Variants in ABI2 observed in about 807,000 individuals in gnomAD.
ABI2 encodes the protein abelson interactor 2.
A neutral mutation model predicts 59.2 loss-of-function variants in ABI2; 25 were observed. The observed-to-expected ratio is 0.42, with a 90% confidence interval of 0.31 to 0.59. The LOEUF (loss-of-function observed/expected upper bound fraction) is 0.59, where lower values mean the gene tolerates loss of function less well. ABI2 is among the 20% of genes least tolerant of loss of function. The pLI is 0.14. For synonymous variants in ABI2, 213 were observed against 235.5 expected (o/e 0.90, Z 0.87); for missense variants, 545 against 681.8 (o/e 0.80, Z 2.23).
At position 203,428,734 on chromosome 2, in the gene ABI2, C is replaced by T. The variant is rs2098460271; in HGVS notation, c.*1382C>T. On this transcript the variant is annotated 3_prime_UTR_variant, in exon 12 of 12. Coordinates refer to ENST00000261018, the MANE Select transcript of ABI2 (RefSeq NM_001375670.1). The stretch of plus-strand genomic sequence containing the variant: ...AAATGCTGAAAAAAATCCAGGAGGG[C>T]TTGTCTCTTTGTGGGTGGTCACTGT... 6.6e-6 allele frequency: 1 copy of T among 152,188 alleles called. No homozygotes were observed. The highest frequency in any genetic ancestry group is 1.5e-5 in the Non-Finnish European group (1 of 68,072). The allele number at this position is 152,188 out of a possible 1,614,324, so 9.4% of individuals were successfully genotyped here. A position where few individuals can be genotyped will look rare whatever the true frequency, so the allele number is the denominator to read the frequency against.
intron 5 of ABI2, chr2:203,394,388 C>T (rs751683679): frequency 4.2e-5 from 6 of 141,866 alleles, no homozygotes; most frequent in Non-Finnish European, 7.5e-5. Flanking sequence ...AATTCCAACT[C>T]TTCTAAGAAG....
In ABI2 at chr2:203,408,412, C is replaced by T. The variant is rs187470631; in HGVS notation, c.1193-2873C>T. On this transcript the variant is annotated intron_variant, in intron 9 of 11. Coordinates refer to ENST00000261018, the MANE Select transcript of ABI2 (RefSeq NM_001375670.1). ...TCCTGACCTCAGGTGATGCGCCCCCCTCGGCCTTCCAAAGTGATGGGATTA... is the reference window on the plus strand; with the variant it reads ...TCCTGACCTCAGGTGATGCGCCCCCTTCGGCCTTCCAAAGTGATGGGATTA... Among the ~76,000 whole-genome samples, 464 of 151,592 alleles carry T rather than the reference C, an allele frequency of 3.1e-3. 3 individuals carry two copies. Among genetic ancestry groups the T allele is most frequent in the Non-Finnish European group, 4.0e-3 (271 of 67,854 alleles).
chr2:203,366,766 T>C, intron 1 of ABI2, 111 bp from the exon 2 acceptor site: 1 of 1,092,634 alleles, frequency 9.2e-7, no homozygotes, highest in East Asian at 2.7e-5. Context: ...ATTAGTTTTT[T>C]TACTTTCTGG....
intron 1 of ABI2, among the ~76,000 whole-genome samples, chr2:203,332,391 C>G (rs1439617509): frequency 6.6e-6 from 1 of 151,976 alleles, no homozygotes; most frequent in Non-Finnish European, 1.5e-5. Context: ...CTTTGGGAGG[C>G]CGAGGCAGGC....
chr2:203,331,808 C>CTT (rs55695294), intron 1 of ABI2, among the ~76,000 whole-genome samples: 1 of 121,972 alleles, frequency 8.2e-6, no homozygotes, highest in Admixed American at 8.4e-5. Flanking sequence ...GCTCAGTGTT[C>CTT]TTTTTTTTTT....
rs745646231 is a variant in ABI2, at chr2:203,428,931, G to T, written c.*1579G>T. 1.3e-5 allele frequency: 2 copies of T among 152,236 alleles called. No homozygotes were observed. The highest frequency in any genetic ancestry group is 4.8e-5 in the African/African-American group (2 of 41,454). 9.4% of individuals were successfully genotyped at this position (152,236 alleles called of 1,614,324 possible). A position where few individuals can be genotyped will look rare whatever the true frequency, so the allele number is the denominator to read the frequency against. ...AGGTTTTGAACAAGTTCAGAAAGTG[G>T]AACTTGATTGAAAAGTGAACAAGTG... On this transcript the variant is annotated 3_prime_UTR_variant, in exon 12 of 12. Transcript: ENST00000261018.
intron 6 of ABI2, 86 bp downstream of exon 6, chr2:203,394,932 A>G: frequency 2.7e-6 from 4 of 1,454,600 alleles, no homozygotes; most frequent in Non-Finnish European, 3.8e-6. Flanking sequence ...TCATTTTCCA[A>G]GCACTAAGTT....
At chr2:203,371,616 ATAT>A (rs989913156) in intron 2 of ABI2, among the ~76,000 whole-genome samples, 1 of 152,198 alleles carries the variant, frequency 6.6e-6, no homozygotes, top group Non-Finnish European at 1.5e-5. Context: ...CTTTGGAAGG[ATAT>A]TATTAAAACA....
intron 6 of ABI2, among the ~76,000 whole-genome samples, chr2:203,395,243 ATGTTTT>A (rs1219418335): frequency 1.3e-5 from 2 of 152,078 alleles, no homozygotes; most frequent in African/African-American, 4.8e-5. Flanking sequence ...GTTTAGGAAA[ATGTTTT>A]TGTTTTATTA....
At chr2:203,376,881 T>G (rs1169667776) in intron 2 of ABI2, among the ~76,000 whole-genome samples, 2 of 152,202 alleles carry the variant, frequency 1.3e-5, no homozygotes, top group African/African-American at 4.8e-5. Flanking sequence ...TGAACAGATT[T>G]CTAATTTATA....
chr2:203,399,905 C>T (rs1327361428), intron 8 of ABI2, among the ~76,000 whole-genome samples: 3 of 152,028 alleles, frequency 2.0e-5, no homozygotes, highest in South Asian at 2.1e-4. Context: ...TTAAATGAAT[C>T]GTGCTTTGAT....
At chr2:203,358,850 A>G (rs2092864227) in intron 1 of ABI2, among the ~76,000 whole-genome samples, 1 of 152,154 alleles carries the variant, frequency 6.6e-6, no homozygotes, top group South Asian at 2.1e-4. Flanking sequence ...TCTCTACTAA[A>G]ACAAACCACA....
chr2:203,385,136 A>ATTATTTTTTTTTT (rs1231169110), intron 4 of ABI2, among the ~76,000 whole-genome samples: 1 of 26,246 alleles, frequency 3.8e-5, no homozygotes. Flanking sequence ...CCCGGCTCAG[A>ATTATTTTTTTTTT]TTCTTTTTTT....
intron 1 of ABI2, chr2:203,329,279 GGGA>G (rs762705351): frequency 6.6e-6 from 1 of 150,852 alleles, no homozygotes. Flanking sequence ...TCCTGGGGGT[GGGA>G]GGAGGACAGA....
Position 203,430,413 on chromosome 2 carries a change from T to A in ABI2, c.*3061T>A, listed in dbSNP as rs2098473641. ...GTGTGTCCAGTCCCCTTAAAAAAAATGAATAGTTGTCTTTTCTTGTCATAT... is the reference window on the plus strand; with the variant it reads ...GTGTGTCCAGTCCCCTTAAAAAAAAAGAATAGTTGTCTTTTCTTGTCATAT... On this transcript the variant is annotated 3_prime_UTR_variant, in exon 12 of 12. Coordinates refer to ENST00000261018, the MANE Select transcript of ABI2 (RefSeq NM_001375670.1). The A allele has an allele frequency of 6.6e-6, 1 of 152,098 alleles. No individual in the cohort carries two copies. The highest frequency in any genetic ancestry group is 2.4e-5 in the African/African-American group (1 of 41,414). The allele number at this position is 152,098 out of a possible 1,614,324, so 9.4% of individuals were successfully genotyped here. A position where few individuals can be genotyped will look rare whatever the true frequency, so the allele number is the denominator to read the frequency against.
At chr2:203,398,652 G>A (rs961941417) in intron 8 of ABI2, among the ~76,000 whole-genome samples, 13 of 152,168 alleles carry the variant, frequency 8.5e-5, no homozygotes, top group Admixed American at 8.5e-4. Context: ...CCACAATCAA[G>A]TTACAGAACA....
At chr2:203,411,186 A>T in intron 9 of ABI2, 99 bp from the exon 10 acceptor site, 3 of 846,080 alleles carry the variant, frequency 3.5e-6, no homozygotes, top group Non-Finnish European at 6.0e-6. Context: ...TGTGAATAGT[A>T]GTTTCCCTCC....
At chr2:203,382,522 A>G (rs1402632577) in intron 4 of ABI2, among the ~76,000 whole-genome samples, 2 of 152,156 alleles carry the variant, frequency 1.3e-5, no homozygotes, top group African/African-American at 4.8e-5. Context: ...AATGTAAGCT[A>G]CCCTATCATA....
chr2:203,340,057 C>A (rs1295128475), intron 1 of ABI2, among the ~76,000 whole-genome samples: 3 of 152,150 alleles, frequency 2.0e-5, no homozygotes, highest in South Asian at 4.1e-4. Context: ...AAGAAGGAAA[C>A]CCTGCTATTT....
Sources: allele counts gnomAD v4.1 joint callset (sites outside exome capture counted in the v4.1 genomes callset), GRCh38; gene constraint gnomAD v4.1.1; transcripts MANE v1.5; gene names NCBI Gene and HGNC (gene_info 2026-07-23, HGNC 2026-07-21).